NFIB: variants seen among roughly 807,000 people sequenced by gnomAD.
NFIB encodes the protein nuclear factor 1 B-type.
NFIB carries 11 observed loss-of-function variants against 61.5 expected under a neutral mutation model. The ratio of observed to expected loss-of-function variants is 0.18; its 90% CI spans 0.11 to 0.30. NFIB has a LOEUF of 0.30. Ranked by LOEUF, NFIB falls within the 10% of genes least tolerant of loss-of-function variation. The probability of loss-of-function intolerance (pLI) is 1.00; values close to 1 mark genes in which losing one functional copy is unlikely to be tolerated. For synonymous variants in NFIB, 260 were observed against 216.5 expected (o/e 1.20, Z -1.76); for missense variants, 471 against 608.9 (o/e 0.77, Z 2.38).
the NFIB span, among the ~76,000 whole-genome samples, chr9:14,437,380 C>A: frequency 3.3e-5 from 5 of 152,196 alleles, no homozygotes; most frequent in Non-Finnish European, 5.9e-5. Flanking sequence ...CCTATGGCAA[C>A]ACATTTTAAA....
At chr9:14,461,595 T>C in the NFIB span, among the ~76,000 whole-genome samples, 2 of 152,196 alleles carry the variant, frequency 1.3e-5, no homozygotes, top group African/African-American at 2.4e-5. Context: ...AGTACTAACA[T>C]AGCACACAGG....
At chr9:14,133,321 C>T (rs1479402324) in intron 6 of NFIB, among the ~76,000 whole-genome samples, 1 of 152,084 alleles carries the variant, frequency 6.6e-6, no homozygotes, top group Non-Finnish European at 1.5e-5. Flanking sequence ...CAACACAGCA[C>T]TGAAAGAGAA....
intron 4 of NFIB, among the ~76,000 whole-genome samples, chr9:14,155,567 G>A (rs2043300027): frequency 6.6e-6 from 1 of 152,150 alleles, no homozygotes; most frequent in African/African-American, 2.4e-5. Flanking sequence ...GCAGAGAACA[G>A]TGAATTAAAT....
the NFIB span, among the ~76,000 whole-genome samples, chr9:14,499,041 C>T: frequency 1.3e-5 from 2 of 150,668 alleles, no homozygotes; most frequent in South Asian, 2.1e-4. Context: ...TGTGTGTGCA[C>T]GTGTGTACGT....
chr9:14,104,275 T>G (rs1344895773), intron 10 of NFIB, among the ~76,000 whole-genome samples: 4 of 152,212 alleles, frequency 2.6e-5, no homozygotes, highest in Admixed American at 2.6e-4. Context: ...CACTTTGCTT[T>G]GTTTTAAATC....
At chr9:14,390,920 G>C (rs1286877997) in intron 1 of NFIB, among the ~76,000 whole-genome samples, 2 of 152,034 alleles carry the variant, frequency 1.3e-5, no homozygotes, top group Admixed American at 1.3e-4. Flanking sequence ...CTAAGACTTT[G>C]GATTATAACC....
chr9:14,503,100 ATATATATGTGTG>A, the NFIB span, among the ~76,000 whole-genome samples: 79 of 150,196 alleles, frequency 5.3e-4, no homozygotes, highest in African/African-American at 1.8e-3. Flanking sequence ...ATATATATAT[ATATATATGTGTG>A]TATGTGTGTG....
At chr9:14,344,269 C>T (rs771483814) in intron 1 of NFIB, among the ~76,000 whole-genome samples, 7 of 151,496 alleles carry the variant, frequency 4.6e-5, no homozygotes, top group East Asian at 1.9e-4. Context: ...CAGAAAGGGC[C>T]GAGAGAGGGG....
At chr9:14,312,111 T>G (rs531497146) in intron 1 of NFIB, among the ~76,000 whole-genome samples, 1 of 152,310 alleles carries the variant, frequency 6.6e-6, no homozygotes, top group Non-Finnish European at 1.5e-5. Flanking sequence ...TTAATCATAC[T>G]CAGATGCCAA....
At chr9:14,235,644 G>C (rs887580827) in intron 2 of NFIB, among the ~76,000 whole-genome samples, 2 of 152,168 alleles carry the variant, frequency 1.3e-5, no homozygotes, top group African/African-American at 4.8e-5. Flanking sequence ...TTGTACTGCT[G>C]TAGATAGAAC....
At chr9:14,286,351 A>C (rs2058708777) in intron 2 of NFIB, among the ~76,000 whole-genome samples, 1 of 152,186 alleles carries the variant, frequency 6.6e-6, no homozygotes, top group African/African-American at 2.4e-5. Flanking sequence ...ATACATCCTG[A>C]CACATTTCCA....
At chr9:14,193,557 C>A (rs1287314239) in intron 2 of NFIB, among the ~76,000 whole-genome samples, 1 of 152,010 alleles carries the variant, frequency 6.6e-6, no homozygotes, top group Admixed American at 6.6e-5. Flanking sequence ...TTCATAAGTC[C>A]CCACTGGACA....
chr9:14,514,323 T>TACACACACACAC, the NFIB span, among the ~76,000 whole-genome samples: 5,600 of 147,304 alleles, frequency 0.038, 105 homozygotes, highest in Middle Eastern at 0.049. Flanking sequence ...CATACATACA[T>TACACACACACAC]ACATACACAC....
intron 2 of NFIB, among the ~76,000 whole-genome samples, chr9:14,215,990 A>G (rs2050814830): frequency 6.6e-6 from 1 of 152,166 alleles, no homozygotes; most frequent in South Asian, 2.1e-4. Flanking sequence ...TGGGCAATAA[A>G]TAGGAGGTAT....
At chr9:14,192,355 G>T (rs988254975) in intron 2 of NFIB, among the ~76,000 whole-genome samples, 2 of 152,136 alleles carry the variant, frequency 1.3e-5, no homozygotes, top group African/African-American at 4.8e-5. Context: ...AGCTTTGGAT[G>T]ATATTATGCA....
At chr9:14,499,035 T>G in the NFIB span, among the ~76,000 whole-genome samples, 2 of 151,770 alleles carry the variant, frequency 1.3e-5, no homozygotes, top group Admixed American at 1.3e-4. Flanking sequence ...CACGTGTGTG[T>G]GTGCACGTGT....
the NFIB span, among the ~76,000 whole-genome samples, chr9:14,497,811 G>C: frequency 0.011 from 1,655 of 152,302 alleles, 32 homozygotes; most frequent in African/African-American, 0.038. Flanking sequence ...TGCAGGAAGA[G>C]TGAGGGTCTT....
intron 3 of NFIB, among the ~76,000 whole-genome samples, chr9:14,174,183 A>C (rs1265706138): frequency 6.6e-6 from 1 of 152,186 alleles, no homozygotes; most frequent in East Asian, 1.9e-4. Context: ...ATTAAAAAAA[A>C]AGTCCTTTGA....
At chr9:14,197,352 T>C (rs1005791291) in intron 2 of NFIB, among the ~76,000 whole-genome samples, 17 of 104,504 alleles carry the variant, frequency 1.6e-4, no homozygotes, top group Admixed American at 5.3e-4. Context: ...ATGAATCTGA[T>C]AGGATGTCCC....
Sources: gnomAD v4.1 joint callset for allele counts (sites outside exome capture counted in the v4.1 genomes callset) on GRCh38, gnomAD v4.1.1 for gene constraint, MANE v1.5 for transcripts, NCBI Gene and HGNC (gene_info 2026-07-23, HGNC 2026-07-21) for gene names.